GGA1: variants seen among roughly 807,000 people sequenced by gnomAD.
The protein encoded by GGA1 is ADP-ribosylation factor-binding protein GGA1.
A neutral mutation model predicts 76.9 loss-of-function variants in GGA1; 18 were observed. The ratio of observed to expected loss-of-function variants is 0.23; its 90% CI spans 0.16 to 0.35. The LOEUF (loss-of-function observed/expected upper bound fraction) is 0.35, where lower values mean the gene tolerates loss of function less well. Ranked by LOEUF, GGA1 falls within the 10% of genes least tolerant of loss-of-function variation. The pLI, the probability that GGA1 is intolerant of heterozygous loss-of-function variation, is 1.00. For missense variants in GGA1, 755 were observed against 859.0 expected (o/e 0.88, Z 1.51); for synonymous variants, 342 against 354.7 (o/e 0.96, Z 0.40).
chr22:37,613,112 TGG>T (rs1336828182), intron 1 of GGA1: 2 of 985,326 alleles, frequency 2.0e-6, no homozygotes, highest in Non-Finnish European at 2.4e-6. Context: ...ACTGCTACCC[TGG>T]GCAGGAGTAG....
chr22:37,617,023 G>A (rs367961742), intron 3 of GGA1, 26 bp downstream of exon 3: 308 of 1,581,134 alleles, frequency 1.9e-4, no homozygotes, highest in African/African-American at 8.4e-4. Flanking sequence ...GCCACCATCC[G>A]TCCCCCGCCA....
In GGA1 at chr22:37,630,927, G is replaced by A. The variant is rs1199710117; in HGVS notation, c.1356G>A (p.Arg452=). The change falls in exon 14 of 17, where the codon CGG becomes CGA. Residue 452 remains arginine, a synonymous_variant. Coordinates refer to ENST00000343632, the MANE Select transcript of GGA1 (RefSeq NM_013365.5). Reference sequence around the variant, plus strand: ...GGGAGAAGCAGCAGCCAACCCCCCGGCTCACACTCCGGGACCTGCAGAATA... The same window carrying A: ...GGGAGAAGCAGCAGCCAACCCCCCGACTCACACTCCGGGACCTGCAGAATA... The part of the protein sequence containing the change: ...VRWEKQQPTP[R]LTLRDLQNKS... 1 of 1,611,792 alleles carries A rather than the reference G, an allele frequency of 6.2e-7. No homozygotes were observed. Among genetic ancestry groups the A allele is most frequent in the Admixed American group, 1.7e-5 (1 of 59,486 alleles).
intron 2 of GGA1, among the ~76,000 whole-genome samples, chr22:37,616,242 C>T (rs373291335): frequency 6.6e-6 from 1 of 152,240 alleles, no homozygotes; most frequent in East Asian, 1.9e-4. Flanking sequence ...GGGTACGAGT[C>T]CTGTCCCCTC....
chr22:37,613,277 G>A (rs1046517932), intron 1 of GGA1: 2 of 544,640 alleles, frequency 3.7e-6, no homozygotes, highest in African/African-American at 4.1e-5. Flanking sequence ...GCCATGCGTG[G>A]GTCAGAGGTG....
In GGA1 at chr22:37,630,077, C is replaced by A. The variant is rs200648957; in HGVS notation, c.1238C>A (p.Ser413Tyr). 3.7e-6 allele frequency: 6 copies of A among 1,608,990 alleles called. No individual in the cohort carries two copies. The East Asian group carries it at 6.7e-5, about 18-fold the overall frequency. ...SMESRPPAQT[S>Y]LPASSGLDDL... is the part of the protein sequence containing the mutation. ...GAAAGCCGACCCCCAGCGCAGACAT[C>A]CCTGCCAGCAAGCAGCGGTCTGGAC... Residue 413 changes from serine (S) to tyrosine (Y), a missense_variant, in exon 13 of 17, where the codon TCC (serine) becomes TAC (tyrosine). Coordinates refer to ENST00000343632, the MANE Select transcript of GGA1 (RefSeq NM_013365.5).
At position 37,632,133 on chromosome 22, in the gene GGA1, C is replaced by A; in HGVS notation, c.1666C>A (p.Arg556Ser). The change falls in exon 15 of 17, where the codon CGC becomes AGC. Residue 556 changes from arginine (R) to serine (S), a missense_variant. Physicochemically the swap from Arg to Ser is moderately radical, Grantham distance 110. Coordinates refer to ENST00000343632, the MANE Select transcript of GGA1 (RefSeq NM_013365.5). This position sits in a 1 kb window ranked among gnomAD's most constrained non-coding sequence, Gnocchi z 5.1. ...GCTGAGCACCGCCCCCCAGCCCATC[C>A]GCAACATCGTGTTCCAGTCAGCTGT... ...SMLSTAPQPI[R>S]NIVFQSAVPK... 6.2e-7 allele frequency: 1 copy of A among 1,613,524 alleles called. No individual in the cohort carries two copies. The highest frequency in any genetic ancestry group is 8.5e-7 in the Non-Finnish European group (1 of 1,179,774).
chr22:37,617,765 G>C (rs1266053750), intron 3 of GGA1: 1 of 920,354 alleles, frequency 1.1e-6, no homozygotes, highest in Non-Finnish European at 1.3e-6. Flanking sequence ...CTAGTCCTAT[G>C]ATTTCATAGA....
In GGA1 at chr22:37,625,905, C is replaced by T; in HGVS notation, c.1049C>T (p.Pro350Leu). ...GGCGAGCAGGCCAGCCCTGAGCAGC[C>T]CAGTGCCTCAGTTTCCCTGCTTGAC... ...RPGEQASPEQ[P>L]SASVSLLDDE... The change falls in exon 11 of 17, where the codon CCC (proline) becomes CTC (leucine). Residue 350 changes from proline to leucine, a missense_variant. Transcript: ENST00000343632. The surrounding 1 kb of genome is among the most constrained non-coding windows in gnomAD (Gnocchi z 4.1). 6.2e-7 allele frequency: 1 copy of T among 1,604,710 alleles called. No individual in the cohort carries two copies. Among genetic ancestry groups the T allele is most frequent in the African/African-American group, 1.3e-5 (1 of 74,968 alleles).
intron 5 of GGA1, 113 bp from the exon 6 acceptor site, chr22:37,620,700 C>T: frequency 1.3e-6 from 1 of 757,292 alleles, no homozygotes. Context: ...AGCGTGCTGG[C>T]AAAAGACTGA....
chr22:37,632,551 CG>C lies in GGA1; in HGVS notation c.1809+38del. The stretch of plus-strand genomic sequence containing the variant: ...CCCAGGCAGTGCTGCAGGGTGGGGA[CG>C]GCCACTTCTCCTCCTCTGACCCCTC... On this transcript the variant is annotated intron_variant, in intron 16 of 16. Transcript: ENST00000343632. The surrounding 1 kb of genome is among the most constrained non-coding windows in gnomAD (Gnocchi z 5.1). 1.9e-6 allele frequency: 3 copies of C among 1,578,310 alleles called. No homozygotes were observed. Among genetic ancestry groups the C allele is most frequent in the East Asian group, 2.2e-5 (1 of 44,694 alleles).
intron 1 of GGA1, among the ~76,000 whole-genome samples, chr22:37,613,582 G>A (rs962512722): frequency 2.6e-5 from 4 of 152,158 alleles, no homozygotes; most frequent in African/African-American, 9.6e-5. Context: ...TGTATTTTTA[G>A]TAGAGATGGG....
In GGA1 at chr22:37,623,304, G is replaced by C; in HGVS notation, c.610-23G>C. ...TCGTCCAGGCCAAAGGTTCTCAGGG[G>C]CCCTTGGCCAATGTGTCCCCAGGAC... On this transcript the variant is annotated intron_variant, in intron 7 of 16. Coordinates refer to ENST00000343632, the MANE Select transcript of GGA1 (RefSeq NM_013365.5). This position sits in a 1 kb window ranked among gnomAD's most constrained non-coding sequence, Gnocchi z 4.6. The C allele has an allele frequency of 1.2e-6, 2 of 1,612,132 alleles. No homozygotes were observed. Among genetic ancestry groups the C allele is most frequent in the South Asian group, 2.2e-5 (2 of 91,030 alleles).
At chr22:37,626,862 A>G (rs1930944371) in intron 11 of GGA1, 2 of 152,316 alleles carry the variant, frequency 1.3e-5, no homozygotes, top group African/African-American at 4.8e-5. Context: ...CCACTGCACA[A>G]TGAGGAAACG....
intron 2 of GGA1, among the ~76,000 whole-genome samples, chr22:37,615,880 GCC>G (rs1928690522): frequency 6.6e-6 from 1 of 150,908 alleles, no homozygotes; most frequent in Non-Finnish European, 1.5e-5. Flanking sequence ...TCGCTCTGTC[GCC>G]CAGGCTGGAG....
chr22:37,613,283 AG>A (rs1238738691), intron 1 of GGA1: 2 of 479,588 alleles, frequency 4.2e-6, no homozygotes, highest in Admixed American at 6.4e-5. Flanking sequence ...CGTGGGTCAG[AG>A]GTGTACCAGC....
chr22:37,631,339 G>C (rs1285192205), intron 14 of GGA1, among the ~76,000 whole-genome samples: 1 of 152,246 alleles, frequency 6.6e-6, no homozygotes, highest in Non-Finnish European at 1.5e-5. Flanking sequence ...CCTCTAGGGA[G>C]TAGGCTCTGG....
chr22:37,614,135 G>T, intron 1 of GGA1, 55 bp from the exon 2 acceptor site: 1 of 1,195,618 alleles, frequency 8.4e-7, no homozygotes, highest in South Asian at 1.2e-5. Flanking sequence ...GGTCAGGAGT[G>T]GAAGAGCAGG....
intron 11 of GGA1, 86 bp from the exon 12 acceptor site, chr22:37,629,376 C>T: frequency 1.1e-6 from 1 of 883,292 alleles, no homozygotes; most frequent in Admixed American, 2.5e-5. Context: ...GGTAGGGAGC[C>T]CCATGCCAGC....
Position 37,624,704 on chromosome 22 carries a change from C to T in GGA1, c.833-265C>T. 2.4e-6 allele frequency: 1 copy of T among 415,024 alleles called. No individual in the cohort carries two copies. The highest frequency in any genetic ancestry group is 4.6e-6 in the Non-Finnish European group (1 of 218,248). 25.7% of individuals were successfully genotyped at this position (415,024 alleles called of 1,614,324 possible). On this transcript the variant is annotated intron_variant, in intron 9 of 16. Transcript: ENST00000343632. This position sits in a 1 kb window ranked among gnomAD's most constrained non-coding sequence, Gnocchi z 4.3. ...GATCTGGGGCAGCCAGAGAGCAGAG[C>T]TGGAGTGGAGGCCTGGAGGCGGGAG...
Sources: gnomAD v4.1 joint callset for allele counts (sites outside exome capture counted in the v4.1 genomes callset) on GRCh38, gnomAD v4.1.1 for gene constraint, Gnocchi (gnomAD v3.1) non-coding constraint, MANE v1.5 for transcripts, NCBI Gene and HGNC (gene_info 2026-07-23, HGNC 2026-07-21) for gene names.